The following NDST4 variants were observed in gnomAD, a reference collection of about 807,000 sequenced individuals.
NDST4 encodes N-deacetylase and N-sulfotransferase 4, also known as N-heparan sulfate sulfotransferase 4.
A neutral mutation model predicts 100.8 loss-of-function variants in NDST4; 63 were observed. The observed-to-expected ratio is 0.62, with a 90% confidence interval of 0.51 to 0.77. The LOEUF (loss-of-function observed/expected upper bound fraction) is 0.77, where lower values mean the gene tolerates loss of function less well. NDST4 is among the 30% of genes least tolerant of loss of function. The pLI, the probability that NDST4 is intolerant of heterozygous loss-of-function variation, is 0.00. For synonymous variants in NDST4, 377 were observed against 361.8 expected (o/e 1.04, Z -0.48); for missense variants, 943 against 1,018.4 (o/e 0.93, Z 1.01).
chr4:115,108,124 C>A (rs1479325335), intron 1 of NDST4, among the ~76,000 whole-genome samples: 1 of 152,036 alleles, frequency 6.6e-6, no homozygotes, highest in East Asian at 1.9e-4. Context: ...AATTCTGATT[C>A]TAATTATTCA....
chr4:114,859,827 C>T (rs753524282), intron 7 of NDST4, among the ~76,000 whole-genome samples: 1 of 152,142 alleles, frequency 6.6e-6, no homozygotes, highest in African/African-American at 2.4e-5. Flanking sequence ...GCTCTTTTCC[C>T]GTCTTTTCAG....
intron 2 of NDST4, among the ~76,000 whole-genome samples, chr4:115,068,080 CT>C: frequency 6.6e-6 from 1 of 152,132 alleles, no homozygotes; most frequent in African/African-American, 2.4e-5. Flanking sequence ...TTTCAAATGG[CT>C]GTTGGAACTA....
intron 4 of NDST4, among the ~76,000 whole-genome samples, chr4:114,946,803 G>C (rs1725875907): frequency 6.6e-6 from 1 of 152,160 alleles, no homozygotes; most frequent in African/African-American, 2.4e-5. Flanking sequence ...AATGGGTACA[G>C]ATCTTTTAGG....
chr4:114,915,844 A>T (rs1214131322), intron 6 of NDST4, among the ~76,000 whole-genome samples: 1 of 151,960 alleles, frequency 6.6e-6, no homozygotes, highest in African/African-American at 2.4e-5. Context: ...AGAGGGGGAG[A>T]GGGAAGGGAA....
rs936306753 is a variant in NDST4, at chr4:115,061,759, T to C, written c.978+14300A>G. Among the ~76,000 whole-genome samples, 12 of 152,072 alleles carry C rather than the reference T, an allele frequency of 7.9e-5. 1 individual carries two copies. Among genetic ancestry groups the C allele is most frequent in the African/African-American group, 2.4e-4 (10 of 41,368 alleles). The stretch of plus-strand genomic sequence containing the variant: ...AGCTGTGTAACAAACCTGTACATTC[T>C]GCACATGTATCCCAGAACTTAAAGT... On this transcript the variant is annotated intron_variant, in intron 2 of 13. Coordinates refer to ENST00000264363, the MANE Select transcript of NDST4 (RefSeq NM_022569.3).
At chr4:114,964,856 G>T (rs553828883) in intron 4 of NDST4, among the ~76,000 whole-genome samples, 1 of 152,210 alleles carries the variant, frequency 6.6e-6, no homozygotes, top group East Asian at 1.9e-4. Flanking sequence ...TGCAGTACTT[G>T]TCTTTCTGTG....
chr4:114,944,805 T>C (rs112265046), intron 4 of NDST4, among the ~76,000 whole-genome samples: 186 of 152,196 alleles, frequency 1.2e-3, no homozygotes, highest in African/African-American at 4.0e-3. Context: ...AAGCTTCACA[T>C]GCGGGGGTAG....
chr4:115,070,563 T>C (rs1002600885), intron 2 of NDST4, among the ~76,000 whole-genome samples: 2 of 152,222 alleles, frequency 1.3e-5, no homozygotes, highest in South Asian at 2.1e-4. Flanking sequence ...ATCTTTCTTA[T>C]ATATCTTGAG....
intron 6 of NDST4, among the ~76,000 whole-genome samples, chr4:114,929,113 CATCTATCTATCTATCTATCTATCT>C (rs70964332): frequency 8.5e-6 from 1 of 117,392 alleles, no homozygotes; most frequent in Admixed American, 8.7e-5. Context: ...TCCATCCATC[CATCTATCTATCTATCTATCTATCT>C]ATCTATCTAT....
At chr4:115,056,326 G>A (rs1728693555) in intron 2 of NDST4, among the ~76,000 whole-genome samples, 1 of 152,102 alleles carries the variant, frequency 6.6e-6, no homozygotes, top group South Asian at 2.1e-4. Flanking sequence ...CTGGGCAACA[G>A]GGTGAGACCC....
At chr4:114,850,982 C>T (rs770811433) in intron 8 of NDST4, among the ~76,000 whole-genome samples, 20 of 152,290 alleles carry the variant, frequency 1.3e-4, no homozygotes, top group South Asian at 2.1e-4. Context: ...CCCTGACCGA[C>T]TTTCAGCCCA....
chr4:115,005,350 A>G (rs1727389421), intron 2 of NDST4, among the ~76,000 whole-genome samples: 1 of 152,138 alleles, frequency 6.6e-6, no homozygotes, highest in African/African-American at 2.4e-5. Flanking sequence ...TTGCAGTTTA[A>G]ATAGGGTGGT....
At chr4:114,901,067 T>A (rs1486918292) in intron 6 of NDST4, among the ~76,000 whole-genome samples, 1 of 151,986 alleles carries the variant, frequency 6.6e-6, no homozygotes, top group African/African-American at 2.4e-5. Flanking sequence ...CCCCAGAATG[T>A]GACCTATCTT....
At chr4:115,015,848 G>A (rs1048457085) in intron 2 of NDST4, among the ~76,000 whole-genome samples, 1 of 152,032 alleles carries the variant, frequency 6.6e-6, no homozygotes, top group African/African-American at 2.4e-5. Context: ...CTGATGCACA[G>A]TCTGCCAGAA....
intron 1 of NDST4, among the ~76,000 whole-genome samples, chr4:115,110,651 T>C (rs994414201): frequency 6.6e-6 from 1 of 151,984 alleles, no homozygotes; most frequent in Non-Finnish European, 1.5e-5. Context: ...GGTTAGATGA[T>C]GCATCTCATC....
chr4:114,958,332 T>G (rs2126235021), intron 4 of NDST4, among the ~76,000 whole-genome samples: 1 of 147,986 alleles, frequency 6.8e-6, no homozygotes, highest in Middle Eastern at 3.4e-3. Flanking sequence ...CACCAGTCTC[T>G]TTGTAAAACA....
chr4:115,096,895 A>G (rs1340378837), intron 1 of NDST4, among the ~76,000 whole-genome samples: 1 of 152,084 alleles, frequency 6.6e-6, no homozygotes. Context: ...AAATGTCACC[A>G]ATAAACTTCA....
chr4:114,861,378 C>A (rs1035574976), intron 7 of NDST4, among the ~76,000 whole-genome samples: 1 of 152,168 alleles, frequency 6.6e-6, no homozygotes, highest in Non-Finnish European at 1.5e-5. Context: ...TATTTAAAAT[C>A]ATTAAATCAT....
rs556291758 is a variant in NDST4, at chr4:115,078,793, T to C, written c.-246-1511A>G. ...AGGCGGAAGATGCAGTGAGCTGAGA[T>C]TGTGCCACTGCACTCCAGCCTGGGC... On this transcript the variant is annotated intron_variant, in intron 1 of 13. Coordinates refer to ENST00000264363, the MANE Select transcript of NDST4 (RefSeq NM_022569.3). Among the ~76,000 whole-genome samples the C allele has an allele frequency of 4.6e-5, 7 of 152,106 alleles. No homozygotes were observed. In the South Asian group the frequency reaches 1.5e-3, roughly 32 times the overall value.
Sources: gnomAD v4.1 joint callset for allele counts (sites outside exome capture counted in the v4.1 genomes callset) on GRCh38, gnomAD v4.1.1 for gene constraint, MANE v1.5 for transcripts, NCBI Gene and HGNC (gene_info 2026-07-23, HGNC 2026-07-21) for gene names.